SMIM27: variants seen among roughly 807,000 people sequenced by gnomAD.
The protein encoded by SMIM27 is transition zone microprotein 1.
In SMIM27, 3 loss-of-function variants were observed where a neutral mutation model predicts 1.8. The ratio of observed to expected loss-of-function variants is 1.65; its 90% CI spans 0.75 to 4.28. SMIM27 has a LOEUF of 4.28. Among genes scored for constraint, SMIM27 ranks in the 30% most tolerant of loss-of-function variants. SMIM27 has a pLI of 0.02. For missense variants in SMIM27, 63 were observed against 37.0 expected (o/e 1.70, Z -1.83); for synonymous variants, 19 against 13.9 (o/e 1.37, Z -0.82).
intron 1 of SMIM27, among the ~76,000 whole-genome samples, chr9:32,565,210 T>G (rs540535452): frequency 6.6e-6 from 1 of 151,528 alleles, no homozygotes; most frequent in Non-Finnish European, 1.5e-5. Flanking sequence ...GGAGAATCAC[T>G]TGAACCCAGG....
downstream of SMIM27, among the ~76,000 whole-genome samples, chr9:32,556,383 A>G (rs1397816233): frequency 2.0e-5 from 3 of 152,256 alleles, no homozygotes; most frequent in Admixed American, 6.5e-5. Flanking sequence ...TTGTATCACA[A>G]TCTTGGAACC....
At chr9:32,564,076 G>C (rs1245979024) in intron 1 of SMIM27, among the ~76,000 whole-genome samples, 1 of 152,102 alleles carries the variant, frequency 6.6e-6, no homozygotes, top group Admixed American at 6.5e-5. Flanking sequence ...AATTACTAAG[G>C]AGTGGCAATG....
chr9:32,560,289 T>C (rs1821589242), intron 1 of SMIM27, among the ~76,000 whole-genome samples: 1 of 152,190 alleles, frequency 6.6e-6, no homozygotes, highest in African/African-American at 2.4e-5. Flanking sequence ...TCAGGAAAAA[T>C]CACCTGGAAG....
chr9:32,554,347 G>C (rs759406133), downstream of SMIM27, among the ~76,000 whole-genome samples: 104 of 152,216 alleles, frequency 6.8e-4, 1 homozygote, highest in Non-Finnish European at 2.6e-4. Context: ...CCAGTTTTCT[G>C]ATTGGCTTAC....
At chr9:32,562,209 C>CCTAT (rs1368027672) in intron 1 of SMIM27, among the ~76,000 whole-genome samples, 1 of 152,176 alleles carries the variant, frequency 6.6e-6, no homozygotes, top group East Asian at 1.9e-4. Context: ...CCAAATTATA[C>CCTAT]CTATCTTCCA....
chr9:32,557,542 C>A (rs566550019), downstream of SMIM27, among the ~76,000 whole-genome samples: 14 of 151,872 alleles, frequency 9.2e-5, 1 homozygote, highest in East Asian at 2.7e-3. Context: ...TGCAGTGCCA[C>A]GATCTCAGCT....
At chr9:32,561,148 G>A (rs1403187842) in intron 1 of SMIM27, among the ~76,000 whole-genome samples, 5 of 152,038 alleles carry the variant, frequency 3.3e-5, no homozygotes, top group Non-Finnish European at 7.4e-5. Context: ...CAAATTGTTA[G>A]CCCTTTTTAA....
intron 1 of SMIM27, chr9:32,558,777 G>T: frequency 1.9e-6 from 1 of 538,248 alleles, no homozygotes. Flanking sequence ...TTTTTTACAA[G>T]AATACACAAA....
Position 32,552,395 on chromosome 9 carries a change from G to A in SMIM27, c.-40G>A, listed in dbSNP as rs1324632333. 2 of 1,604,848 alleles carry A rather than the reference G, an allele frequency of 1.2e-6. No homozygotes were observed. Among genetic ancestry groups the A allele is most frequent in the South Asian group, 2.2e-5 (2 of 89,842 alleles). ...CTGGGAGGTTACTGTAAGGCCCGCA[G>A]CTCCCGCCAGCTCCCGCGGACTGCT... On this transcript the variant is annotated 5_prime_UTR_variant, in exon 1 of 2. Transcript: ENST00000692500.
exon 2 of SMIM27, chr9:32,566,520 G>A: frequency 3.9e-6 from 3 of 769,616 alleles, no homozygotes; most frequent in East Asian, 4.9e-5. Context: ...AGAGACGGCT[G>A]CCACCCTTGG....
intron 1 of SMIM27, among the ~76,000 whole-genome samples, chr9:32,559,515 A>G (rs1587640416): frequency 6.6e-6 from 1 of 151,804 alleles, no homozygotes; most frequent in Non-Finnish European, 1.5e-5. Flanking sequence ...TCCCTCACTT[A>G]CTCTACTACA....
At position 32,561,439 on chromosome 9, in the gene SMIM27, T is replaced by C. The variant is rs1048847219; in HGVS notation, c.46-4952T>C. 2.0e-5 allele frequency among the ~76,000 whole-genome samples: 3 copies of C among 152,162 alleles called. No homozygotes were observed. The East Asian group carries it at 5.8e-4, about 29-fold the overall frequency. The stretch of plus-strand genomic sequence containing the variant: ...GCCTCCTGGTTTCCAGCAATTCTTC[T>C]GCCTCAGCCTTCTGAGTAGCTGGGA... On this transcript the variant is annotated intron_variant, in intron 1 of 1. Transcript: ENST00000451672.
At chr9:32,553,943 C>A (rs1271897712), downstream of SMIM27, 4 of 1,583,500 alleles carry the variant, frequency 2.5e-6, no homozygotes, top group East Asian at 2.2e-5. Flanking sequence ...AATTGTATCA[C>A]CCTAGGAAAA....
At chr9:32,555,408 G>C (rs1051672239), downstream of SMIM27, among the ~76,000 whole-genome samples, 1 of 152,232 alleles carries the variant, frequency 6.6e-6, no homozygotes, top group African/African-American at 2.4e-5. Context: ...AATGAAGGTA[G>C]CCTTTGAACC....
exon 2 of SMIM27, chr9:32,566,587 A>G (rs1211549597): frequency 2.6e-6 from 2 of 784,060 alleles, no homozygotes; most frequent in African/African-American, 3.4e-5. Flanking sequence ...TGGCACATGG[A>G]GCGGAGGACC....
chr9:32,551,789 G>C (rs1296703780), upstream of SMIM27: 4 of 453,176 alleles, frequency 8.8e-6, no homozygotes, highest in Non-Finnish European at 1.8e-5. Flanking sequence ...CTTGTTGCTT[G>C]ACTGATACAT....
chr9:32,563,878 C>A (rs1197520738), intron 1 of SMIM27, among the ~76,000 whole-genome samples: 1 of 152,196 alleles, frequency 6.6e-6, no homozygotes, highest in Non-Finnish European at 1.5e-5. Context: ...TGCAAGCTGA[C>A]TCTGTGTCCT....
In SMIM27 at chr9:32,552,354, G is replaced by T. The variant is rs1176747159; in HGVS notation, c.-81G>T. 7 of 1,567,320 alleles carry T rather than the reference G, an allele frequency of 4.5e-6. No individual in the cohort carries two copies. The highest frequency in any genetic ancestry group is 2.7e-5 in the African/African-American group (2 of 74,084). The stretch of plus-strand genomic sequence containing the variant: ...GCCCGGCTAAAAGATGGCTGCTGGC[G>T]CCTGGCAGCCACCGCCTGGGAGGTT... On this transcript the variant is annotated 5_prime_UTR_variant, in exon 1 of 2. Coordinates refer to ENST00000692500, the MANE Select transcript of SMIM27 (RefSeq NM_001387564.1).
At chr9:32,551,271 T>A (rs1357641850), upstream of SMIM27, 1 of 548,648 alleles carries the variant, frequency 1.8e-6, no homozygotes, top group Non-Finnish European at 3.3e-6. Flanking sequence ...ACTAGTTCGA[T>A]GTCGTTTCAA....
Sources: gnomAD v4.1 joint callset for allele counts (sites outside exome capture counted in the v4.1 genomes callset) on GRCh38, gnomAD v4.1.1 for gene constraint, MANE v1.5 for transcripts, NCBI Gene and HGNC (gene_info 2026-07-23, HGNC 2026-07-21) for gene names.